DPP10: variants seen among roughly 807,000 people sequenced by gnomAD.
DPP10 encodes the protein inactive dipeptidyl peptidase 10.
DPP10 carries 33 observed loss-of-function variants against 120.9 expected under a neutral mutation model. That is an observed-to-expected ratio of 0.27 (90% CI 0.21 to 0.37). DPP10 has a LOEUF of 0.37. DPP10 is among the 10% of genes least tolerant of loss of function. The probability of loss-of-function intolerance (pLI) is 1.00; values close to 1 mark genes in which losing one functional copy is unlikely to be tolerated. For missense variants in DPP10, 816 were observed against 942.8 expected (o/e 0.87, Z 1.76); for synonymous variants, 337 against 326.1 (o/e 1.03, Z -0.36).
chr2:115,378,308 T>C (rs1296257686), intron 3 of DPP10, among the ~76,000 whole-genome samples: 2 of 147,336 alleles, frequency 1.4e-5, no homozygotes, highest in African/African-American at 4.9e-5. Flanking sequence ...TTATTCTCTT[T>C]GAAGCAATTG....
intron 1 of DPP10, among the ~76,000 whole-genome samples, chr2:115,201,415 A>G (rs2055709469): frequency 6.6e-6 from 1 of 152,150 alleles, no homozygotes; most frequent in Non-Finnish European, 1.5e-5. Context: ...GTGAGTTGAG[A>G]TCATACCACT....
chr2:114,912,743 C>G (rs1443649775), intron 1 of DPP10, among the ~76,000 whole-genome samples: 1 of 152,208 alleles, frequency 6.6e-6, no homozygotes, highest in South Asian at 2.1e-4. Flanking sequence ...TTTGAATAGG[C>G]ATAGAGTGGC....
At chr2:115,371,315 G>A (rs374169386) in intron 3 of DPP10, among the ~76,000 whole-genome samples, 7 of 152,068 alleles carry the variant, frequency 4.6e-5, no homozygotes, top group African/African-American at 1.7e-4. Context: ...AATACAACTG[G>A]ATGAAAGAAG....
At chr2:115,368,323 C>G (rs1250446429) in intron 3 of DPP10, among the ~76,000 whole-genome samples, 1 of 152,046 alleles carries the variant, frequency 6.6e-6, no homozygotes, top group Non-Finnish European at 1.5e-5. Context: ...GTGAAATCTC[C>G]AGGGAGTCCA....
chr2:115,377,485 C>T (rs28819374), intron 3 of DPP10, among the ~76,000 whole-genome samples: 119,047 of 151,982 alleles, frequency 0.78, 46,893 homozygotes, highest in Non-Finnish European at 0.83. Flanking sequence ...GCAAAAATTT[C>T]CTCCCATTCT....
intron 3 of DPP10, among the ~76,000 whole-genome samples, chr2:115,473,632 G>T (rs1045669245): frequency 6.6e-6 from 1 of 152,130 alleles, no homozygotes; most frequent in African/African-American, 2.4e-5. Flanking sequence ...CCTCTGTCTG[G>T]CTGGCTGCCA....
intron 7 of DPP10, among the ~76,000 whole-genome samples, chr2:115,704,169 T>C (rs1374780664): frequency 6.6e-6 from 1 of 151,920 alleles, no homozygotes; most frequent in African/African-American, 2.4e-5. Flanking sequence ...CCAAACTCTT[T>C]GTGATTTCTG....
At chr2:115,625,682 T>C (rs1248872616) in intron 5 of DPP10, among the ~76,000 whole-genome samples, 1 of 152,104 alleles carries the variant, frequency 6.6e-6, no homozygotes, top group East Asian at 1.9e-4. Flanking sequence ...TGTTTAGGCA[T>C]GTAACATGAA....
At chr2:115,070,521 G>A (rs1339098188) in intron 1 of DPP10, among the ~76,000 whole-genome samples, 1 of 152,098 alleles carries the variant, frequency 6.6e-6, no homozygotes, top group African/African-American at 2.4e-5. Flanking sequence ...GCATGCTGAT[G>A]TTTTGTCCCT....
intron 3 of DPP10, among the ~76,000 whole-genome samples, chr2:115,344,135 C>CA (rs751004918): frequency 0.011 from 546 of 48,278 alleles, 4 homozygotes; most frequent in South Asian, 0.018. Context: ...GACTCCATCT[C>CA]AAAAAAAAAA....
intron 1 of DPP10, among the ~76,000 whole-genome samples, chr2:114,917,270 A>G (rs953390615): frequency 6.6e-6 from 1 of 152,224 alleles, no homozygotes; most frequent in Non-Finnish European, 1.5e-5. Context: ...CAAGGAAGGG[A>G]AAAATCTCTA....
intron 1 of DPP10, among the ~76,000 whole-genome samples, chr2:114,748,346 T>TC (rs1261571217): frequency 4.6e-5 from 6 of 131,006 alleles, no homozygotes; most frequent in South Asian, 2.4e-4. Flanking sequence ...TTCTTTTTTT[T>TC]TTTTATTTTT....
intron 1 of DPP10, among the ~76,000 whole-genome samples, chr2:114,875,208 A>G (rs1237976456): frequency 6.6e-6 from 1 of 152,184 alleles, no homozygotes; most frequent in Non-Finnish European, 1.5e-5. Context: ...CTTTTCTTCA[A>G]GGTACATTCA....
At chr2:115,762,835 C>T (rs535651723) in intron 12 of DPP10, among the ~76,000 whole-genome samples, 1 of 152,058 alleles carries the variant, frequency 6.6e-6, no homozygotes, top group South Asian at 2.1e-4. Flanking sequence ...AGAGTAGCTG[C>T]CAGGATCACT....
intron 1 of DPP10, among the ~76,000 whole-genome samples, chr2:114,674,764 G>A (rs999092616): frequency 6.6e-5 from 10 of 152,152 alleles, no homozygotes; most frequent in African/African-American, 1.7e-4. Context: ...TCAGAGGGTC[G>A]TTGATCCCAG....
chr2:115,177,569 G>C (rs1186838101), intron 1 of DPP10, among the ~76,000 whole-genome samples: 2 of 152,126 alleles, frequency 1.3e-5, no homozygotes, highest in Non-Finnish European at 2.9e-5. Flanking sequence ...TTGTTCCCCA[G>C]CTGTGCAGCT....
At chr2:115,573,581 C>CT (rs767336910) in intron 5 of DPP10, among the ~76,000 whole-genome samples, 6,814 of 70,378 alleles carry the variant, frequency 0.097, 705 homozygotes, top group Middle Eastern at 0.12. Context: ...TGCGCCCGGC[C>CT]TTTTTTTTTT....
chr2:115,229,705 CTA>C, intron 1 of DPP10, among the ~76,000 whole-genome samples: 1 of 136,874 alleles, frequency 7.3e-6, no homozygotes, highest in East Asian at 2.2e-4. Context: ...CTATTCTATT[CTA>C]TTCTATTCTA....
intron 1 of DPP10, among the ~76,000 whole-genome samples, chr2:114,684,309 G>A (rs907212414): frequency 6.6e-5 from 10 of 151,920 alleles, no homozygotes; most frequent in African/African-American, 1.7e-4. Context: ...TAAAGGAGTT[G>A]GTTTCACTCT....
Sources: gnomAD v4.1 joint callset for allele counts (sites outside exome capture counted in the v4.1 genomes callset) on GRCh38, gnomAD v4.1.1 for gene constraint, MANE v1.5 for transcripts, NCBI Gene and HGNC (gene_info 2026-07-23, HGNC 2026-07-21) for gene names.